The following LAMA3 variants were observed in gnomAD, a reference collection of about 807,000 sequenced individuals.
LAMA3 encodes laminin subunit alpha-3.
Under a neutral mutation model 402.0 loss-of-function variants are expected in LAMA3, and 281 were observed. The observed-to-expected ratio is 0.70, with a 90% CI of 0.63 to 0.77. The LOEUF (loss-of-function observed/expected upper bound fraction) is 0.77. LAMA3 is among the 30% of genes least tolerant of loss of function. The probability of loss-of-function intolerance (pLI) is 0.00; values close to 1 mark genes in which losing one functional copy is unlikely to be tolerated. For synonymous variants in LAMA3, 1,431 were observed against 1,558.4 expected, an observed-to-expected ratio of 0.92 and a Z score of 1.93; for missense variants, 3,840 against 4,215.5, an observed-to-expected ratio of 0.91 and a Z score of 2.47.
intron 19 of LAMA3, among the ~76,000 whole-genome samples, chr18:23,821,256 G>C (rs1413867382): frequency 1.3e-5 from 2 of 152,196 alleles, no homozygotes; most frequent in East Asian, 3.9e-4. Context: ...GCTCCTAATA[G>C]ATTTTTGCAT....
At chr18:23,804,222 G>A (rs1348810073) in intron 12 of LAMA3, among the ~76,000 whole-genome samples, 2 of 152,172 alleles carry the variant, frequency 1.3e-5, no homozygotes, top group Middle Eastern at 3.2e-3. Context: ...CTGCACTGTC[G>A]TTCACTTATG....
chr18:23,884,758 C>T lies in LAMA3; in HGVS notation c.5223-15C>T, dbSNP rs773444370. 33 of 1,610,916 alleles carry T rather than the reference C, an allele frequency of 2.0e-5. No individual in the cohort carries two copies. In the Admixed American group the frequency reaches 5.5e-4, roughly 27 times the overall value. On this transcript the variant is annotated splice_polypyrimidine_tract_variant and intron_variant, in intron 40 of 74. Coordinates refer to ENST00000313654, the MANE Select transcript of LAMA3 (RefSeq NM_198129.4). ...TCTGTGTTTTTGATGGGGCCTTTTT[C>T]TGTCTTCTTTCAAGCTTTGCCACTG...
chr18:23,796,464 T>G (rs946141438), intron 12 of LAMA3, among the ~76,000 whole-genome samples: 6 of 152,156 alleles, frequency 3.9e-5, no homozygotes, highest in Non-Finnish European at 4.4e-5. Flanking sequence ...CAAAACTATG[T>G]GTCAGTAAAA....
chr18:23,882,306 A>G (rs1399274904), intron 40 of LAMA3, among the ~76,000 whole-genome samples: 1 of 152,202 alleles, frequency 6.6e-6, no homozygotes, highest in Non-Finnish European at 1.5e-5. Context: ...AAGCTGTGAT[A>G]TTAAAATGAA....
chr18:23,833,899 G>A lies in LAMA3; in HGVS notation c.2895G>A (p.Glu965=). 4 of 1,614,168 alleles carry A rather than the reference G, an allele frequency of 2.5e-6. No homozygotes were observed. The South Asian group carries it at 3.3e-5, about 13-fold the overall frequency. ...TGGTTGTGGTCGAGTATTCCACGGA[G>A]GCAGCTCAGCTGTTTGTGGTTGATG... is the stretch of plus-strand genomic sequence containing the variant. The part of the protein sequence containing the change: ...HYVVVVEYST[E]AAQLFVVDVN... The change falls in exon 24 of 75, where the codon GAG becomes GAA. Residue 965 remains glutamate, a synonymous_variant. Transcript: ENST00000313654.
chr18:23,733,739 A>T (rs1332234714), intron 2 of LAMA3, among the ~76,000 whole-genome samples: 1 of 152,154 alleles, frequency 6.6e-6, no homozygotes, highest in African/African-American at 2.4e-5. Flanking sequence ...GGTTTTGGAG[A>T]TGCAGGATTT....
chr18:23,870,259 C>T (rs2064478559), intron 37 of LAMA3, among the ~76,000 whole-genome samples: 2 of 151,960 alleles, frequency 1.3e-5, no homozygotes, highest in South Asian at 4.2e-4. Context: ...GCTGAGATCA[C>T]ACCACTGCAC....
chr18:23,846,302 A>G lies in LAMA3; in HGVS notation c.3725A>G (p.Gln1242Arg), dbSNP rs879454093. 3.7e-6 allele frequency: 6 copies of G among 1,614,054 alleles called. No homozygotes were observed. The African/African-American group carries it at 8.0e-5, about 22-fold the overall frequency. The change falls in exon 31 of 75, where the codon CAG becomes CGG. Residue 1242 changes from glutamine (Q) to arginine (R), a missense_variant. Gln to Arg is a conservative substitution (Grantham distance 43). Coordinates refer to ENST00000313654, the MANE Select transcript of LAMA3 (RefSeq NM_198129.4). The stretch of plus-strand genomic sequence containing the variant: ...AGTTGTTTCTGTCTCCACAGCCCCC[A>G]GACAGCCTCCAGATTCTGTAAGAAT... Reference protein sequence around the residue: ...CGKNSFYLDPQTASRFCKNSA... With the variant: ...CGKNSFYLDPRTASRFCKNSA...
At chr18:23,838,106 G>A (rs1312098541) in intron 25 of LAMA3, among the ~76,000 whole-genome samples, 2 of 152,060 alleles carry the variant, frequency 1.3e-5, no homozygotes, top group Non-Finnish European at 2.9e-5. Flanking sequence ...CTCTATGAAG[G>A]CAGGGGTGTT....
At chr18:23,825,905 T>G (rs1011688595) in intron 21 of LAMA3, among the ~76,000 whole-genome samples, 4 of 152,112 alleles carry the variant, frequency 2.6e-5, no homozygotes, top group African/African-American at 4.8e-5. Flanking sequence ...GGTCCCAAAC[T>G]CAGCAAACTT....
intron 38 of LAMA3, among the ~76,000 whole-genome samples, chr18:23,872,035 G>A (rs1195931178): frequency 1.3e-5 from 2 of 152,126 alleles, no homozygotes; most frequent in East Asian, 1.9e-4. Flanking sequence ...ATCACTAAAC[G>A]TTGTATGTGT....
intron 48 of LAMA3, among the ~76,000 whole-genome samples, chr18:23,902,171 T>A (rs546982983): frequency 7.9e-5 from 12 of 152,074 alleles, no homozygotes; most frequent in Non-Finnish European, 1.3e-4. Flanking sequence ...AAAATTTTTT[T>A]AAAAATTAGC....
intron 11 of LAMA3, among the ~76,000 whole-genome samples, chr18:23,779,573 A>C (rs1177131735): frequency 6.6e-6 from 1 of 152,116 alleles, no homozygotes; most frequent in Non-Finnish European, 1.5e-5. Flanking sequence ...AAACAAGAGA[A>C]AGCAGAATAC....
chr18:23,831,615 T>G (rs914304296), intron 23 of LAMA3, among the ~76,000 whole-genome samples: 5 of 152,198 alleles, frequency 3.3e-5, no homozygotes, highest in African/African-American at 1.2e-4. Context: ...AGTTTTATGC[T>G]GTGTTTGTCT....
chr18:23,794,712 G>GT (rs1418038814), intron 12 of LAMA3, among the ~76,000 whole-genome samples: 1 of 152,184 alleles, frequency 6.6e-6, no homozygotes, highest in Non-Finnish European at 1.5e-5. Context: ...GAAAAGGGCC[G>GT]TGGGAGTTAG....
intron 69 of LAMA3, among the ~76,000 whole-genome samples, chr18:23,944,862 C>T (rs1425170758): frequency 4.6e-5 from 7 of 152,200 alleles, no homozygotes; most frequent in South Asian, 2.1e-4. Context: ...TGGCCAGGCG[C>T]GGTGGCTCAT....
chr18:23,764,442 A>G (rs2062034804), intron 8 of LAMA3, among the ~76,000 whole-genome samples: 1 of 152,206 alleles, frequency 6.6e-6, no homozygotes. Context: ...TGTAGGTAGA[A>G]TCTTTTCTCT....
rs758000301 is a variant in LAMA3 at position 23,861,731 on chromosome 18, T to C, written c.4508T>C (p.Val1503Ala). 3.7e-6 allele frequency: 6 copies of C among 1,614,128 alleles called. No homozygotes were observed. The East Asian group carries it at 1.1e-4, about 30-fold the overall frequency. ...VSFNPGSNSM[V>A]ADLQELPATI... ...TTCAACCCAGGCAGCAACAGTATGG[T>C]GGCGGATCTCCAGGAGCTGCCCGCA... The change falls in exon 35 of 75, where the codon GTG becomes GCG. Residue 1503 changes from valine to alanine, a missense_variant. Physicochemically the swap from Val to Ala is moderately conservative, Grantham distance 64. Around this residue, in one of 3 missense-constraint regions of LAMA3, gnomAD observed 2,109 missense variants for 2,376.0 expected, o/e 0.89. Coordinates refer to ENST00000313654, the MANE Select transcript of LAMA3 (RefSeq NM_198129.4).
At chr18:23,942,580 C>CTTT (rs11293501) in intron 68 of LAMA3, among the ~76,000 whole-genome samples, 1 of 133,582 alleles carries the variant, frequency 7.5e-6, no homozygotes, top group African/African-American at 2.8e-5. Context: ...TTGCACTCTG[C>CTTT]TTTTTTTTTT....
Sources: allele counts gnomAD v4.1 joint callset (sites outside exome capture counted in the v4.1 genomes callset), GRCh38; gene constraint gnomAD v4.1.1; regional missense constraint gnomAD v4.1.1; transcripts MANE v1.5; gene names NCBI Gene and HGNC (gene_info 2026-07-23, HGNC 2026-07-21).